The following DNM3 variants were observed in gnomAD, a reference collection of about 807,000 sequenced individuals.
The protein encoded by DNM3 is dynamin-3.
DNM3 carries 47 observed loss-of-function variants against 101.6 expected under a neutral mutation model. That is an observed-to-expected ratio of 0.46 (90% CI 0.37 to 0.59). DNM3 has a LOEUF of 0.59. Among genes scored for constraint, DNM3 ranks in the 20% least tolerant of loss-of-function variants. DNM3 has a pLI of 0.00. For missense variants in DNM3, 849 were observed against 1,085.7 expected (o/e 0.78, Z 3.06); for synonymous variants, 385 against 387.9 (o/e 0.99, Z 0.09).
In DNM3 at chr1:172,410,754, T is replaced by G. The variant is rs939526954; in HGVS notation, c.*2913T>G. The G allele has an allele frequency of 1.0e-5, 10 of 985,220 alleles. No homozygotes were observed. In the African/African-American group the frequency reaches 1.7e-4, roughly 17 times the overall value. The allele number at this position is 985,220 out of a possible 1,614,324, so 61.0% of individuals were successfully genotyped here. A position where few individuals can be genotyped will look rare whatever the true frequency, so the allele number is the denominator to read the frequency against. On this transcript the variant is annotated 3_prime_UTR_variant, in exon 21 of 21. Coordinates refer to ENST00000627582, the MANE Select transcript of DNM3 (RefSeq NM_015569.5). ...AAACTCACTTTATTCTAAAGTATAT[T>G]AATGAAACCAGTTCCTGTGATGTAA...
intron 15 of DNM3, among the ~76,000 whole-genome samples, chr1:172,269,372 G>A (rs2062994406): frequency 6.6e-6 from 1 of 152,164 alleles, no homozygotes; most frequent in Non-Finnish European, 1.5e-5. Flanking sequence ...GGACAGAAGT[G>A]TGCCTCCATT....
chr1:172,223,406 A>T (rs2060986804), intron 14 of DNM3, among the ~76,000 whole-genome samples: 1 of 151,800 alleles, frequency 6.6e-6, no homozygotes, highest in Non-Finnish European at 1.5e-5. Flanking sequence ...AAAAAATCCC[A>T]TATATCACTA....
At position 172,033,132 on chromosome 1, in the gene DNM3, A is replaced by G. The variant is rs749042624; in HGVS notation, c.716A>G (p.Gln239Arg). ...RGYVGVVNRS[Q>R]KDIDGKKDIK... Reference sequence around the variant, plus strand: ...TACGTGGGGGTGGTAAACAGAAGCCAGAAGGACATAGATGGGAAGAAGGAC... The same window carrying G: ...TACGTGGGGGTGGTAAACAGAAGCCGGAAGGACATAGATGGGAAGAAGGAC... The change falls in exon 6 of 21, where the codon CAG becomes CGG. Residue 239 changes from glutamine (Q) to arginine (R), a missense_variant. Physicochemically the swap from Gln to Arg is conservative, Grantham distance 43. Coordinates refer to ENST00000627582, the MANE Select transcript of DNM3 (RefSeq NM_015569.5). The G allele has an allele frequency of 3.1e-6, 5 of 1,612,666 alleles. No homozygotes were observed. In the East Asian group the frequency reaches 1.1e-4, roughly 36 times the overall value.
At chr1:172,364,655 A>G (rs766529219) in intron 17 of DNM3, among the ~76,000 whole-genome samples, 4 of 151,950 alleles carry the variant, frequency 2.6e-5, no homozygotes, top group Non-Finnish European at 4.4e-5. Context: ...TATCCCCACC[A>G]AATCTCATGT....
At chr1:172,290,113 A>G in intron 15 of DNM3, 1 of 510,882 alleles carries the variant, frequency 2.0e-6, no homozygotes, top group Non-Finnish European at 2.5e-6. Flanking sequence ...GTCAACAAAT[A>G]TTAATGAGCA....
At chr1:172,219,874 AG>A (rs2060844369) in intron 14 of DNM3, among the ~76,000 whole-genome samples, 1 of 152,114 alleles carries the variant, frequency 6.6e-6, no homozygotes, top group Non-Finnish European at 1.5e-5. Context: ...CATTTTACAT[AG>A]GAGATTTATA....
chr1:171,917,398 AG>A (rs2039801575), intron 1 of DNM3, among the ~76,000 whole-genome samples: 1 of 152,202 alleles, frequency 6.6e-6, no homozygotes, highest in Non-Finnish European at 1.5e-5. Flanking sequence ...AGTTACTGGA[AG>A]AGCCAATAAG....
intron 11 of DNM3, 80 bp downstream of exon 11, chr1:172,068,985 C>G (rs183998632): frequency 1.6e-6 from 2 of 1,230,826 alleles, no homozygotes; most frequent in East Asian, 5.1e-5. Context: ...TAGTTCCCAA[C>G]AGTCAGCCTG....
intron 8 of DNM3, among the ~76,000 whole-genome samples, chr1:172,042,609 A>T (rs1374901838): frequency 2.0e-5 from 3 of 152,154 alleles, no homozygotes; most frequent in Non-Finnish European, 4.4e-5. Flanking sequence ...TGAGCAGGAG[A>T]CATTTAAACT....
chr1:172,138,940 CAG>C (rs1339111512), intron 14 of DNM3: 1 of 472,228 alleles, frequency 2.1e-6, no homozygotes. Context: ...TGCTCATAGA[CAG>C]ATACAATCAG....
intron 10 of DNM3, among the ~76,000 whole-genome samples, chr1:172,049,178 G>T (rs2050029201): frequency 6.6e-6 from 1 of 152,222 alleles, no homozygotes; most frequent in Admixed American, 6.5e-5. Flanking sequence ...TCTGGGAAGG[G>T]GCAGTGTAGT....
At chr1:172,342,390 A>C (rs950685878) in intron 17 of DNM3, among the ~76,000 whole-genome samples, 5 of 152,196 alleles carry the variant, frequency 3.3e-5, no homozygotes, top group African/African-American at 1.2e-4. Context: ...AGATAAAGAA[A>C]ATGTAGTATA....
chr1:171,887,271 G>T (rs900055542), intron 1 of DNM3, among the ~76,000 whole-genome samples: 2 of 152,160 alleles, frequency 1.3e-5, no homozygotes, highest in South Asian at 2.1e-4. Flanking sequence ...GAGGTGAAAG[G>T]TCCCATGTCC....
At chr1:172,034,100 T>C (rs976304467) in intron 6 of DNM3, among the ~76,000 whole-genome samples, 1 of 152,166 alleles carries the variant, frequency 6.6e-6, no homozygotes, top group African/African-American at 2.4e-5. Flanking sequence ...AAAGTATCAA[T>C]AGCTGTCACA....
At chr1:171,877,509 C>T (rs1040318213) in intron 1 of DNM3, among the ~76,000 whole-genome samples, 13 of 152,144 alleles carry the variant, frequency 8.5e-5, no homozygotes, top group Non-Finnish European at 1.9e-4. Context: ...ATTGGGCTAC[C>T]TTGAGTTTCA....
chr1:172,223,116 A>C, intron 14 of DNM3, among the ~76,000 whole-genome samples: 1 of 152,040 alleles, frequency 6.6e-6, no homozygotes, highest in Non-Finnish European at 1.5e-5. Context: ...TTTTAAGTAT[A>C]CAGTACAATA....
intron 14 of DNM3, chr1:172,139,626 A>T (rs1332569489): frequency 6.6e-6 from 1 of 152,288 alleles, no homozygotes; most frequent in Non-Finnish European, 1.5e-5. Flanking sequence ...AATTAACTAT[A>T]GGGCCATGCT....
chr1:172,269,684 G>A (rs1334097012), intron 15 of DNM3, among the ~76,000 whole-genome samples: 1 of 152,180 alleles, frequency 6.6e-6, no homozygotes, highest in African/African-American at 2.4e-5. Context: ...CAAAGAATAA[G>A]TTTATATTTT....
At chr1:172,277,453 T>A (rs923332814) in intron 15 of DNM3, among the ~76,000 whole-genome samples, 8 of 152,000 alleles carry the variant, frequency 5.3e-5, no homozygotes, top group African/African-American at 1.7e-4. Flanking sequence ...CATAGATTCT[T>A]GGAGTCTGAT....
Sources: gnomAD v4.1 joint callset for allele counts (sites outside exome capture counted in the v4.1 genomes callset) on GRCh38, gnomAD v4.1.1 for gene constraint, MANE v1.5 for transcripts, NCBI Gene and HGNC (gene_info 2026-07-23, HGNC 2026-07-21) for gene names.